The following NCOA2 variants were observed in gnomAD, a reference collection of about 807,000 sequenced individuals.
NCOA2 encodes the protein class E basic helix-loop-helix protein 75.
Under a neutral mutation model 145.1 loss-of-function variants are expected in NCOA2, and 21 were observed. The observed-to-expected ratio is 0.14, with a 90% CI of 0.10 to 0.21. NCOA2 has a LOEUF of 0.21. Ranked by LOEUF, NCOA2 falls within the 10% of genes least tolerant of loss-of-function variation. NCOA2 has a pLI of 1.00. For synonymous variants in NCOA2, 619 were observed against 637.5 expected (o/e 0.97, Z 0.44); for missense variants, 1,472 against 1,837.6 (o/e 0.80, Z 3.64).
intron 2 of NCOA2, among the ~76,000 whole-genome samples, chr8:70,265,788 A>G (rs1242826414): frequency 6.6e-6 from 1 of 151,932 alleles, no homozygotes; most frequent in Non-Finnish European, 1.5e-5. Context: ...CTGTGTACCA[A>G]GAGCAAACCA....
At chr8:70,244,251 C>T (rs1214040353) in intron 2 of NCOA2, among the ~76,000 whole-genome samples, 2 of 152,130 alleles carry the variant, frequency 1.3e-5, no homozygotes, top group East Asian at 1.9e-4. Context: ...AATCATTCTC[C>T]GAATATATGT....
At position 70,303,986 on chromosome 8, in the gene NCOA2, AGATT is replaced by A. The variant is rs1380823992; in HGVS notation, c.-76-7190_-76-7187del. On this transcript the variant is annotated intron_variant, in intron 1 of 22. Transcript: ENST00000452400. ...TCTCCCAATAGTGTGGATAATTTTTAGATTATAAACTCCCCTCAGAAATTCATCT... is the reference window on the plus strand; with the variant it reads ...TCTCCCAATAGTGTGGATAATTTTTAATAAACTCCCCTCAGAAATTCATCT... Among the ~76,000 whole-genome samples, 4 of 152,212 alleles carry A rather than the reference AGATT, an allele frequency of 2.6e-5. No homozygotes were observed. In the East Asian group the frequency reaches 7.7e-4, roughly 29 times the overall value.
rs965508026 is a variant in NCOA2, at chr8:70,113,060, G to A, written c.*572C>T. The stretch of plus-strand genomic sequence containing the variant: ...TAGAGATACGACTGTGACTTTGTTG[G>A]TCTTCACGCACTGGGTGTGTCTGTA... On this transcript the variant is annotated 3_prime_UTR_variant, in exon 23 of 23. Coordinates refer to ENST00000452400, the MANE Select transcript of NCOA2 (RefSeq NM_006540.4). 13 of 200,012 alleles carry A rather than the reference G, an allele frequency of 6.5e-5. No individual in the cohort carries two copies. Among genetic ancestry groups the A allele is most frequent in the African/African-American group, 3.0e-4 (13 of 43,472 alleles). The allele number at this position is 200,012 out of a possible 1,614,324, so 12.4% of individuals were successfully genotyped here. A position where few individuals can be genotyped will look rare whatever the true frequency, so the allele number is the denominator to read the frequency against.
At chr8:70,393,734 T>TTGTCTCCTAAAATCTG (rs1162611587) in intron 1 of NCOA2, among the ~76,000 whole-genome samples, 1 of 152,218 alleles carries the variant, frequency 6.6e-6, no homozygotes, top group East Asian at 1.9e-4. Context: ...CCTTGTCTCC[T>TTGTCTCCTAAAATCTG]GGTTCTCTTC....
intron 11 of NCOA2, among the ~76,000 whole-genome samples, chr8:70,153,635 G>A (rs1034876313): frequency 6.6e-6 from 1 of 152,136 alleles, no homozygotes; most frequent in Admixed American, 6.5e-5. Context: ...AGAGACCGGA[G>A]TGCCATTGTC....
intron 1 of NCOA2, among the ~76,000 whole-genome samples, chr8:70,303,303 T>C (rs1030384588): frequency 3.9e-5 from 6 of 152,154 alleles, no homozygotes; most frequent in East Asian, 1.9e-4. Context: ...AGAAAAGGAA[T>C]TGACCAAGGA....
At chr8:70,118,152 G>A (rs887406891) in intron 22 of NCOA2, among the ~76,000 whole-genome samples, 1 of 152,208 alleles carries the variant, frequency 6.6e-6, no homozygotes, top group Non-Finnish European at 1.5e-5. Context: ...AGGCAGGGAG[G>A]TCTAATCTCA....
At chr8:70,326,647 G>C (rs965328762) in intron 1 of NCOA2, among the ~76,000 whole-genome samples, 1 of 151,934 alleles carries the variant, frequency 6.6e-6, no homozygotes, top group Non-Finnish European at 1.5e-5. Flanking sequence ...CATTGGTCAC[G>C]GCCTCCAGTG....
chr8:70,293,056 T>A (rs1826819833), intron 2 of NCOA2, among the ~76,000 whole-genome samples: 1 of 152,192 alleles, frequency 6.6e-6, no homozygotes, highest in African/African-American at 2.4e-5. Flanking sequence ...ATTTTTTTTT[T>A]AATTCTACAG....
At chr8:70,433,855 A>G in the NCOA2 span, among the ~76,000 whole-genome samples, 1 of 152,300 alleles carries the variant, frequency 6.6e-6, no homozygotes, top group Non-Finnish European at 1.5e-5. Flanking sequence ...ACATGCAGAA[A>G]AAGGTCATTC....
At chr8:70,228,455 G>T (rs1820859078) in intron 2 of NCOA2, among the ~76,000 whole-genome samples, 1 of 152,158 alleles carries the variant, frequency 6.6e-6, no homozygotes, top group Non-Finnish European at 1.5e-5. Context: ...CCCCTTTATA[G>T]CCCCAGATGG....
At chr8:70,320,047 TATAA>T (rs1162828401) in intron 1 of NCOA2, among the ~76,000 whole-genome samples, 1 of 152,208 alleles carries the variant, frequency 6.6e-6, no homozygotes, top group Non-Finnish European at 1.5e-5. Context: ...ATGTGAATAG[TATAA>T]ATGTTTATAA....
intron 1 of NCOA2, among the ~76,000 whole-genome samples, chr8:70,391,518 G>A (rs1174466154): frequency 6.6e-6 from 1 of 152,210 alleles, no homozygotes; most frequent in African/African-American, 2.4e-5. Flanking sequence ...GTCCAAGGAT[G>A]CCATCATTTC....
intron 2 of NCOA2, among the ~76,000 whole-genome samples, chr8:70,270,839 C>T (rs564233691): frequency 6.6e-6 from 1 of 152,068 alleles, no homozygotes; most frequent in Admixed American, 6.5e-5. Flanking sequence ...TTAATATTGT[C>T]TGTTGAAATA....
chr8:70,261,410 A>G (rs1422561007), intron 2 of NCOA2, among the ~76,000 whole-genome samples: 4 of 151,582 alleles, frequency 2.6e-5, no homozygotes, highest in Non-Finnish European at 5.9e-5. Flanking sequence ...ATGAGAACAC[A>G]TGGACACAGG....
chr8:70,419,017 G>T, the NCOA2 span, among the ~76,000 whole-genome samples: 2 of 151,622 alleles, frequency 1.3e-5, no homozygotes, highest in South Asian at 2.1e-4. Flanking sequence ...ATAATGGGTT[G>T]TCAGTGCCAA....
At chr8:70,162,063 G>A (rs573439012) in intron 9 of NCOA2, among the ~76,000 whole-genome samples, 4 of 152,184 alleles carry the variant, frequency 2.6e-5, no homozygotes, top group East Asian at 1.9e-4. Flanking sequence ...GAACCTCCTC[G>A]TCCCCTTGTC....
intron 2 of NCOA2, among the ~76,000 whole-genome samples, chr8:70,242,519 C>A (rs1291672192): frequency 6.6e-6 from 1 of 152,080 alleles, no homozygotes; most frequent in Non-Finnish European, 1.5e-5. Flanking sequence ...ACCAAAGCAC[C>A]TGTGAGAGAA....
intron 6 of NCOA2, among the ~76,000 whole-genome samples, chr8:70,169,612 A>G (rs1335844010): frequency 1.3e-5 from 2 of 152,172 alleles, no homozygotes; most frequent in African/African-American, 2.4e-5. Context: ...TCACCTTAAA[A>G]AAACAATCTC....
Sources: allele counts gnomAD v4.1 joint callset (sites outside exome capture counted in the v4.1 genomes callset), GRCh38; gene constraint gnomAD v4.1.1; transcripts MANE v1.5; gene names NCBI Gene and HGNC (gene_info 2026-07-23, HGNC 2026-07-21).